The following RLIG1 variants were observed in gnomAD, a reference collection of about 807,000 sequenced individuals.
The protein encoded by RLIG1 is RNA ligase 1.
chr12:88,041,970 C>T, the RLIG1 span: 1 of 152,118 alleles, frequency 6.6e-6, no homozygotes, highest in Non-Finnish European at 1.5e-5. Context: ...GCTTACAAAT[C>T]CACATTTATT....
the RLIG1 span, chr12:88,042,568 C>A: frequency 3.6e-5 from 9 of 252,128 alleles, no homozygotes; most frequent in Admixed American, 1.6e-4. Context: ...CTAACTCATA[C>A]AATATGACTA....
At chr12:88,046,943 A>C in the RLIG1 span, 1 of 1,612,004 alleles carries the variant, frequency 6.2e-7, no homozygotes, top group East Asian at 2.2e-5. Context: ...TTGAAGGAAT[A>C]GTGTGGCATT....
At chr12:88,047,960 A>C in the RLIG1 span, among the ~76,000 whole-genome samples, 3 of 152,136 alleles carry the variant, frequency 2.0e-5, no homozygotes, top group Admixed American at 2.0e-4. Context: ...CATTTTATGG[A>C]GCCCCTGATA....
chr12:88,045,840 AGGT>A, the RLIG1 span: 7 of 1,375,208 alleles, frequency 5.1e-6, no homozygotes, highest in Non-Finnish European at 7.1e-6. Context: ...AGAACTTTCT[AGGT>A]CAACTTAAAA....
the RLIG1 span, chr12:88,035,546 C>A: frequency 7.4e-6 from 9 of 1,218,004 alleles, no homozygotes; most frequent in South Asian, 3.9e-5. Context: ...GCGGAGTGTG[C>A]GTGGCCTGAG....
the RLIG1 span, among the ~76,000 whole-genome samples, chr12:88,039,413 A>G: frequency 2.7e-4 from 41 of 152,178 alleles, no homozygotes; most frequent in Admixed American, 2.7e-3. Flanking sequence ...TGAAAATTAC[A>G]ATTGAAAGAT....
the RLIG1 span, chr12:88,035,558 C>T: frequency 6.0e-6 from 8 of 1,341,596 alleles, no homozygotes; most frequent in African/African-American, 1.4e-5. Flanking sequence ...TGGCCTGAGC[C>T]GTGCGGGTGA....
chr12:88,042,257 C>G, the RLIG1 span: 2 of 152,140 alleles, frequency 1.3e-5, no homozygotes, highest in African/African-American at 4.8e-5. Context: ...TGATGCTCAG[C>G]TTCAACAGCA....
the RLIG1 span, chr12:88,048,140 C>A: frequency 2.2e-6 from 2 of 918,570 alleles, no homozygotes; most frequent in South Asian, 3.0e-5. Flanking sequence ...TGGAGTCTTA[C>A]CCAGTACCTG....
the RLIG1 span, chr12:88,048,194 T>G: frequency 2.1e-6 from 3 of 1,424,978 alleles, no homozygotes; most frequent in Non-Finnish European, 2.8e-6. Flanking sequence ...ATGAAGATAG[T>G]ATCTGTATGC....
chr12:88,041,860 G>T, the RLIG1 span: 1 of 152,106 alleles, frequency 6.6e-6, no homozygotes, highest in African/African-American at 2.4e-5. Context: ...AGACTTTGAT[G>T]TCTATTAAGA....
chr12:88,048,294 C>T, the RLIG1 span: 7 of 1,600,766 alleles, frequency 4.4e-6, no homozygotes, highest in Non-Finnish European at 6.0e-6. Context: ...GAATTCAAGA[C>T]CAGTTATTAT....
At chr12:88,046,464 A>G in the RLIG1 span, among the ~76,000 whole-genome samples, 1 of 152,146 alleles carries the variant, frequency 6.6e-6, no homozygotes, top group African/African-American at 2.4e-5. Context: ...CAGAGTAGGT[A>G]TTTTAAGTTT....
At chr12:88,043,984 G>T in the RLIG1 span, 1 of 398,568 alleles carries the variant, frequency 2.5e-6, no homozygotes, top group Non-Finnish European at 4.5e-6. Context: ...AAAGAGAATA[G>T]CCTTGAGGCC....
the RLIG1 span, chr12:88,049,406 T>C: frequency 7.0e-7 from 1 of 1,418,808 alleles, no homozygotes; most frequent in Non-Finnish European, 9.7e-7. Context: ...TCAGCTTCTT[T>C]ATTTCCTCCT....
the RLIG1 span, chr12:88,048,234 G>T: frequency 6.5e-7 from 1 of 1,543,702 alleles, no homozygotes; most frequent in South Asian, 1.3e-5. Flanking sequence ...CTCTTTCCAG[G>T]TCCATCGCCA....
chr12:88,048,624 ATAAG>A, the RLIG1 span: 2 of 379,124 alleles, frequency 5.3e-6, no homozygotes, highest in African/African-American at 2.1e-5. Context: ...CCATAAAAAC[ATAAG>A]TAATAGTAAG....
At chr12:88,039,492 C>G in the RLIG1 span, among the ~76,000 whole-genome samples, 1 of 152,208 alleles carries the variant, frequency 6.6e-6, no homozygotes, top group Non-Finnish European at 1.5e-5. Flanking sequence ...AGTTTTACTT[C>G]ACGCAGATCC....
the RLIG1 span, chr12:88,048,471 A>C: frequency 2.1e-6 from 2 of 934,100 alleles, no homozygotes; most frequent in South Asian, 4.3e-5. Context: ...TGAATATTCT[A>C]CCATATTTAA....
Sources: allele counts gnomAD v4.1 joint callset (sites outside exome capture counted in the v4.1 genomes callset), GRCh38; gene constraint gnomAD v4.1.1; transcripts MANE v1.5; gene names NCBI Gene and HGNC (gene_info 2026-07-23, HGNC 2026-07-21).